Variants in ASTN1 observed in about 807,000 individuals in gnomAD.
ASTN1 encodes the protein astrotactin-1.
ASTN1 carries 41 observed loss-of-function variants against 140.7 expected under a neutral mutation model. The ratio of observed to expected loss-of-function variants is 0.29; its 90% CI spans 0.23 to 0.38. The LOEUF (loss-of-function observed/expected upper bound fraction) is 0.38. Ranked by LOEUF, ASTN1 falls within the 10% of genes least tolerant of loss-of-function variation. The pLI, the probability that ASTN1 is intolerant of heterozygous loss-of-function variation, is 1.00. For missense variants in ASTN1, 1,479 were observed against 1,678.8 expected, an observed-to-expected ratio of 0.88 and a Z score of 2.08; for synonymous variants, 640 against 652.2, an observed-to-expected ratio of 0.98 and a Z score of 0.29.
Position 176,995,892 on chromosome 1 carries a change from T to C in ASTN1, c.1523+18899A>G, listed in dbSNP as rs377597520. Among the ~76,000 whole-genome samples the C allele has an allele frequency of 9.9e-5, 15 of 152,252 alleles. No homozygotes were observed. In the East Asian group the frequency reaches 1.7e-3, roughly 18 times the overall value. On this transcript the variant is annotated intron_variant, in intron 8 of 22. Coordinates refer to ENST00000361833, the MANE Select transcript of ASTN1 (RefSeq NM_004319.3). ...GCAGTGGTGATGGCAGGTGAGTCTG[T>C]GTACATGTGTAAGGGCAAATGTTGC...
At chr1:177,148,997 A>G (rs956798051) in intron 1 of ASTN1, among the ~76,000 whole-genome samples, 1 of 146,176 alleles carries the variant, frequency 6.8e-6, no homozygotes. Context: ...GGAAGAGAAA[A>G]GTAAATATCT....
intron 1 of ASTN1, among the ~76,000 whole-genome samples, chr1:177,148,022 T>G (rs1263411359): frequency 6.6e-6 from 1 of 152,140 alleles, no homozygotes; most frequent in African/African-American, 2.4e-5. Context: ...AGACCCACAG[T>G]TGGAGCCCAA....
intron 15 of ASTN1, among the ~76,000 whole-genome samples, chr1:176,935,403 CTTTCTAGATG>C (rs1671399717): frequency 6.6e-6 from 1 of 152,180 alleles, no homozygotes; most frequent in Non-Finnish European, 1.5e-5. Context: ...TAGCTTAGTT[CTTTCTAGATG>C]TGCTGCACCA....
chr1:177,141,271 G>A (rs1361275843), intron 1 of ASTN1, among the ~76,000 whole-genome samples: 2 of 152,078 alleles, frequency 1.3e-5, no homozygotes, highest in Non-Finnish European at 2.9e-5. Context: ...TAGGATTGTT[G>A]TAGTACCTGA....
rs185021522 is a variant in ASTN1 at position 177,096,696 on chromosome 1, C to T, written c.284-35431G>A. Among the ~76,000 whole-genome samples, 500 of 152,238 alleles carry T rather than the reference C, an allele frequency of 3.3e-3. 13 individuals are homozygous for T. Among genetic ancestry groups the T allele is most frequent in the Admixed American group, 0.029 (449 of 15,290 alleles). ...TAAAGGGCAGTTCCCCTGCCACATG[C>T]CCTCTTGCCTGCTGCCATGTAAGAC... is the stretch of plus-strand genomic sequence containing the variant. On this transcript the variant is annotated intron_variant, in intron 1 of 22. Transcript: ENST00000361833.
At chr1:176,944,529 G>A (rs1671872472) in intron 13 of ASTN1, among the ~76,000 whole-genome samples, 2 of 152,206 alleles carry the variant, frequency 1.3e-5, no homozygotes, top group Admixed American at 1.3e-4. Context: ...CTCCCAAAGT[G>A]CTGAGATTAT....
chr1:176,992,954 G>A (rs1160149309), intron 8 of ASTN1, among the ~76,000 whole-genome samples: 11 of 152,204 alleles, frequency 7.2e-5, no homozygotes, highest in Non-Finnish European at 1.6e-4. Context: ...GGTTATAAGA[G>A]CAGAGCTCTA....
intron 16 of ASTN1, among the ~76,000 whole-genome samples, chr1:176,904,688 A>T (rs1235819337): frequency 1.3e-5 from 2 of 152,134 alleles, no homozygotes; most frequent in African/African-American, 4.8e-5. Context: ...CTGAGAAGCC[A>T]AGTGTGCATC....
At chr1:176,971,355 C>T (rs1209703672) in intron 8 of ASTN1, among the ~76,000 whole-genome samples, 1 of 152,164 alleles carries the variant, frequency 6.6e-6, no homozygotes, top group Non-Finnish European at 1.5e-5. Flanking sequence ...AAAATAAGTA[C>T]TTGGAATGAC....
At chr1:176,998,721 A>G (rs943298171) in intron 8 of ASTN1, among the ~76,000 whole-genome samples, 1 of 152,196 alleles carries the variant, frequency 6.6e-6, no homozygotes, top group Non-Finnish European at 1.5e-5. Flanking sequence ...ATTTCAAAGG[A>G]GGATGTGAGA....
chr1:176,968,358 C>A (rs1672977713), intron 8 of ASTN1, among the ~76,000 whole-genome samples: 1 of 152,072 alleles, frequency 6.6e-6, no homozygotes, highest in African/African-American at 2.4e-5. Flanking sequence ...TGTGTCTTGC[C>A]CTAAGGTGCA....
At chr1:177,109,711 C>T (rs572597102) in intron 1 of ASTN1, among the ~76,000 whole-genome samples, 1 of 152,056 alleles carries the variant, frequency 6.6e-6, no homozygotes, top group East Asian at 1.9e-4. Flanking sequence ...TGTTTAAAAG[C>T]AAAAATGGGT....
chr1:176,932,413 T>G (rs146184019), intron 16 of ASTN1, among the ~76,000 whole-genome samples: 1,733 of 152,274 alleles, frequency 0.011, 8 homozygotes, highest in Admixed American at 0.018. Context: ...TTGCTGCATT[T>G]TGGAATGAAA....
intron 21 of ASTN1, among the ~76,000 whole-genome samples, chr1:176,871,140 C>T (rs1351214618): frequency 3.9e-5 from 6 of 152,142 alleles, no homozygotes; most frequent in Non-Finnish European, 8.8e-5. Context: ...TAGTCATGAG[C>T]ATTGCACTGA....
intron 1 of ASTN1, among the ~76,000 whole-genome samples, chr1:177,074,956 T>G (rs1371093493): frequency 1.3e-5 from 2 of 152,216 alleles, no homozygotes; most frequent in Non-Finnish European, 2.9e-5. Context: ...ACTGGCACCA[T>G]TTTCTCATAT....
intron 1 of ASTN1, among the ~76,000 whole-genome samples, chr1:177,085,547 C>A (rs1028219436): frequency 2.0e-5 from 3 of 152,158 alleles, no homozygotes; most frequent in Admixed American, 2.0e-4. Context: ...TGAGTTTAAA[C>A]CCCACTTTGC....
chr1:177,099,573 A>T (rs923205052), intron 1 of ASTN1, among the ~76,000 whole-genome samples: 3 of 152,184 alleles, frequency 2.0e-5, no homozygotes, highest in African/African-American at 7.2e-5. Flanking sequence ...GAATGAATAA[A>T]TATTAATATT....
chr1:176,960,215 A>C (rs1672599702), intron 9 of ASTN1, among the ~76,000 whole-genome samples: 3 of 152,222 alleles, frequency 2.0e-5, no homozygotes, highest in Admixed American at 2.0e-4. Flanking sequence ...CATAATGGAC[A>C]TCCTTGAGTT....
At chr1:177,083,622 C>T (rs1024062889) in intron 1 of ASTN1, among the ~76,000 whole-genome samples, 3 of 152,084 alleles carry the variant, frequency 2.0e-5, no homozygotes, top group Non-Finnish European at 4.4e-5. Flanking sequence ...AATACTTTTC[C>T]TCTTATAAAG....
Sources: allele counts gnomAD v4.1 joint callset (sites outside exome capture counted in the v4.1 genomes callset), GRCh38; gene constraint gnomAD v4.1.1; transcripts MANE v1.5; gene names NCBI Gene and HGNC (gene_info 2026-07-23, HGNC 2026-07-21).